Variants in THOP1 observed in about 807,000 individuals in gnomAD.
THOP1 encodes thimet oligopeptidase 1, also known as thimet oligopeptidase.
A neutral mutation model predicts 71.8 loss-of-function variants in THOP1; 49 were observed. The ratio of observed to expected loss-of-function variants is 0.68; its 90% CI spans 0.54 to 0.87. The LOEUF is 0.87. THOP1 is among the 40% of genes least tolerant of loss of function. THOP1 has a pLI of 0.00. For synonymous variants in THOP1, 426 were observed against 421.5 expected, an observed-to-expected ratio of 1.01 and a Z score of -0.13; for missense variants, 843 against 975.6, an observed-to-expected ratio of 0.86 and a Z score of 1.81.
intron 9 of THOP1, 141 bp from the exon 10 acceptor site, chr19:2,810,163 A>C (rs951847994): frequency 4.1e-5 from 43 of 1,053,784 alleles, no homozygotes; most frequent in East Asian, 8.3e-5. Flanking sequence ...GTCGTTTTCC[A>C]GTTTTGGGGT....
Position 2,796,073 on chromosome 19 carries a change from T to C in THOP1, c.379-8T>C. The stretch of plus-strand genomic sequence containing the variant: ...CACGTCCTACATGCTTTGATGTTTT[T>C]ATTCCAGGAGAAAGTTCAGAAGGAC... On this transcript the variant is annotated splice_region_variant and splice_polypyrimidine_tract_variant and intron_variant, in intron 3 of 12. Coordinates refer to ENST00000307741, the MANE Select transcript of THOP1 (RefSeq NM_003249.5). 3.1e-6 allele frequency: 5 copies of C among 1,612,270 alleles called. No individual in the cohort carries two copies. The South Asian group carries it at 5.5e-5, about 18-fold the overall frequency.
chr19:2,810,474 C>T lies in THOP1; in HGVS notation c.1626C>T (p.Ser542=), dbSNP rs1300011220. The change falls in exon 10 of 13, where the codon TCC becomes TCT. Residue 542 remains serine, a synonymous_variant. Transcript: ENST00000307741. ...AGCTCCTGGAGAAGCTCATTGAGTCCCGGCAGGCCAACACAGGTGCACCCG... is the reference window on the plus strand; with the variant it reads ...AGCTCCTGGAGAAGCTCATTGAGTCTCGGCAGGCCAACACAGGTGCACCCG... The part of the protein sequence containing the change: ...PRELLEKLIE[S]RQANTGLFNL... The T allele has an allele frequency of 6.4e-7, 1 of 1,563,090 alleles. No individual in the cohort carries two copies. Among genetic ancestry groups the T allele is most frequent in the South Asian group, 1.2e-5 (1 of 85,788 alleles).
intron 6 of THOP1, 42 bp from the exon 7 acceptor site, chr19:2,806,875 G>T (rs1031586472): frequency 6.2e-6 from 10 of 1,611,658 alleles, no homozygotes; most frequent in Middle Eastern, 1.7e-4. Context: ...GAGGTGGAGG[G>T]AGTGGCGCCC....
intron 9 of THOP1, among the ~76,000 whole-genome samples, chr19:2,809,297 C>T (rs1916394969): frequency 6.6e-6 from 1 of 152,172 alleles, no homozygotes; most frequent in Admixed American, 6.5e-5. Context: ...CAGGGTGTCC[C>T]CATGAGGCAC....
intron 1 of THOP1, among the ~76,000 whole-genome samples, chr19:2,788,682 C>G (rs1915806928): frequency 6.6e-6 from 1 of 151,610 alleles, no homozygotes; most frequent in Non-Finnish European, 1.5e-5. Context: ...TTTCTCCATG[C>G]TGGCCACACT....
Position 2,804,683 on chromosome 19 carries a change from G to A in THOP1, c.590-333G>A, listed in dbSNP as rs536393853. Reference sequence around the variant, plus strand: ...TGGTGACGGCGCCCTGGAAGCCCACGATGTCCGGGGGTTGGGCTGGATTTA... The same window carrying A: ...TGGTGACGGCGCCCTGGAAGCCCACAATGTCCGGGGGTTGGGCTGGATTTA... On this transcript the variant is annotated intron_variant, in intron 5 of 12. Coordinates refer to ENST00000307741, the MANE Select transcript of THOP1 (RefSeq NM_003249.5). This position sits in a 1 kb window ranked among gnomAD's most constrained non-coding sequence, Gnocchi z 4.7. 141 of 218,474 alleles carry A rather than the reference G, an allele frequency of 6.5e-4. No homozygotes were observed. Among genetic ancestry groups the A allele is most frequent in the Middle Eastern group, 1.6e-3 (1 of 616 alleles). 13.5% of individuals were successfully genotyped at this position (218,474 alleles called of 1,614,324 possible).
rs774181007 is a variant in THOP1, at chr19:2,810,786, G to A, written c.1771+18G>A. 1.1e-5 allele frequency: 17 copies of A among 1,595,006 alleles called. No homozygotes were observed. The highest frequency in any genetic ancestry group is 1.7e-4 in the Middle Eastern group (1 of 6,050). ...CACGCCAGGTAGCCACCCTTGAGCC[G>A]GGCACACCCTGGAATTTGGAGCCTC... On this transcript the variant is annotated intron_variant, in intron 11 of 12. Transcript: ENST00000307741.
In THOP1 at chr19:2,808,367, C is replaced by T; in HGVS notation, c.1378C>T (p.Pro460Ser). ...CTTCACCAAGCCCACAGCCGACGCG[C>T]CCTCGCTGCTGCAGCATGACGAGGT... ...ANFTKPTADAPSLLQHDEVET... is the reference protein window; with the variant it reads ...ANFTKPTADASSLLQHDEVET... Residue 460 changes from proline (P) to serine (S), a missense_variant, in exon 9 of 13, where the codon CCC becomes TCC. By Grantham distance (74) the Pro-to-Ser change is moderately conservative (BLOSUM62 -1). Transcript: ENST00000307741. The T allele has an allele frequency of 6.2e-7, 1 of 1,610,826 alleles. No homozygotes were observed. The highest frequency in any genetic ancestry group is 8.5e-7 in the Non-Finnish European group (1 of 1,178,810).
rs1802352108 is a variant in THOP1, at chr19:2,805,280, C to A, written c.750+104C>A. ...ACCTCCAGGCTTTGCACTTGGATGG[C>A]CTCCCAATCTCCCTGGCCAGGCCCA... On this transcript the variant is annotated intron_variant, in intron 6 of 12. Transcript: ENST00000307741. This position sits in a 1 kb window ranked among gnomAD's most constrained non-coding sequence, Gnocchi z 6.6. The A allele has an allele frequency of 1.5e-6, 2 of 1,344,586 alleles. No individual in the cohort carries two copies. The highest frequency in any genetic ancestry group is 1.5e-5 in the African/African-American group (1 of 67,992). The allele number at this position is 1,344,586 out of a possible 1,614,324, so 83.3% of individuals were successfully genotyped here.
rs1204641287 is a variant in THOP1 at position 2,807,593 on chromosome 19, G to A, written c.1038G>A (p.Glu346=). The A allele has an allele frequency of 6.2e-7, 1 of 1,612,690 alleles. No individual in the cohort carries two copies. Among genetic ancestry groups the A allele is most frequent in the Admixed American group, 1.7e-5 (1 of 59,984 alleles). The part of the protein sequence containing the change: ...DMRYYMNQVE[E]TRYCVDQNLL... ...GCTACTACATGAACCAGGTGGAGGAGACGCGCTACTGCGTGGACCAGAACC... is the reference window on the plus strand; with the variant it reads ...GCTACTACATGAACCAGGTGGAGGAAACGCGCTACTGCGTGGACCAGAACC... Residue 346 remains glutamate, a synonymous_variant, in exon 8 of 13, where the codon GAG becomes GAA. Transcript: ENST00000307741.
rs1001423896 is a variant in THOP1, at chr19:2,807,954, A to G, written c.1253+146A>G. 4.0e-6 allele frequency: 4 copies of G among 1,007,304 alleles called. No individual in the cohort carries two copies. In the African/African-American group the frequency reaches 6.5e-5, roughly 16 times the overall value. The allele number at this position is 1,007,304 out of a possible 1,614,324, so 62.4% of individuals were successfully genotyped here. A position where few individuals can be genotyped will look rare whatever the true frequency, so the allele number is the denominator to read the frequency against. ...CCCGAGACGTAGCACCCGTGGGCAC[A>G]CCACAGGGGCCGAAAATGCAGCTGT... On this transcript the variant is annotated intron_variant, in intron 8 of 12. Coordinates refer to ENST00000307741, the MANE Select transcript of THOP1 (RefSeq NM_003249.5).
rs1036658522 is a variant in THOP1, at chr19:2,805,452, C to T, written c.750+276C>T. ...TGCTGCTGCTCTGAGCATCTGGCCG[C>T]GCACACGTCTCGTCCCTCCCTTATC... On this transcript the variant is annotated intron_variant, in intron 6 of 12. Coordinates refer to ENST00000307741, the MANE Select transcript of THOP1 (RefSeq NM_003249.5). This position sits in a 1 kb window ranked among gnomAD's most constrained non-coding sequence, Gnocchi z 6.6. 1.3e-5 allele frequency among the ~76,000 whole-genome samples: 2 copies of T among 152,210 alleles called. No individual in the cohort carries two copies. The highest frequency in any genetic ancestry group is 4.8e-5 in the African/African-American group (2 of 41,452).
chr19:2,793,801 C>T (rs544075676), intron 2 of THOP1, among the ~76,000 whole-genome samples: 1 of 152,222 alleles, frequency 6.6e-6, no homozygotes, highest in Non-Finnish European at 1.5e-5. Context: ...GAGCCTCATT[C>T]CTTTTCATGG....
intron 2 of THOP1, among the ~76,000 whole-genome samples, chr19:2,793,226 T>C (rs994880545): frequency 6.6e-6 from 1 of 152,046 alleles, no homozygotes; most frequent in African/African-American, 2.4e-5. Context: ...TTTAATAAAT[T>C]TGCAGCATTG....
rs201250277 is a variant in THOP1 at position 2,809,176 on chromosome 19, C to CTG, written c.1455+740_1455+741dup. The stretch of plus-strand genomic sequence containing the variant: ...GCCAACTGATCATTCCAGAACCTTA[C>CTG]TGTGTGTGTTTTGGGTTCAAGACAC... On this transcript the variant is annotated intron_variant, in intron 9 of 12. Coordinates refer to ENST00000307741, the MANE Select transcript of THOP1 (RefSeq NM_003249.5). 2.1e-3 allele frequency among the ~76,000 whole-genome samples: 314 copies of CTG among 152,358 alleles called. 1 individual carries two copies. Among genetic ancestry groups the CTG allele is most frequent in the African/African-American group, 7.3e-3 (302 of 41,578 alleles).
At chr19:2,786,099 G>A (rs951511350) in intron 1 of THOP1, among the ~76,000 whole-genome samples, 3 of 142,790 alleles carry the variant, frequency 2.1e-5, no homozygotes, top group Admixed American at 2.0e-4. Context: ...TTAGAGAGAG[G>A]GTGGTTCCTG....
Position 2,804,024 on chromosome 19 carries a change from C to G in THOP1, c.590-992C>G, listed in dbSNP as rs1016458126. Among the ~76,000 whole-genome samples, 6 of 151,904 alleles carry G rather than the reference C, an allele frequency of 3.9e-5. No homozygotes were observed. The highest frequency in any genetic ancestry group is 1.5e-4 in the African/African-American group (6 of 41,334). On this transcript the variant is annotated intron_variant, in intron 5 of 12. Transcript: ENST00000307741. The surrounding 1 kb of genome is among the most constrained non-coding windows in gnomAD (Gnocchi z 4.7). ...GATCGTTCTTTCTACCCCTACTGCT[C>G]TGGGGTCCGTGTGAGCTCCGGATCA...
At chr19:2,788,147 T>A (rs1160261893) in intron 1 of THOP1, among the ~76,000 whole-genome samples, 1 of 152,218 alleles carries the variant, frequency 6.6e-6, no homozygotes, top group African/African-American at 2.4e-5. Context: ...ATGTTTTGCC[T>A]TCATACCTCA....
intron 9 of THOP1, 92 bp from the exon 10 acceptor site, chr19:2,810,212 C>T: frequency 6.8e-7 from 1 of 1,468,182 alleles, no homozygotes; most frequent in Non-Finnish European, 9.1e-7. Flanking sequence ...TGCACTCGCC[C>T]TGTTTGCACT....
Sources: gnomAD v4.1 joint callset for allele counts (sites outside exome capture counted in the v4.1 genomes callset) on GRCh38, gnomAD v4.1.1 for gene constraint, Gnocchi (gnomAD v3.1) non-coding constraint, MANE v1.5 for transcripts, NCBI Gene and HGNC (gene_info 2026-07-23, HGNC 2026-07-21) for gene names.